The following TSC2 variants were observed in gnomAD, a reference collection of about 807,000 sequenced individuals.
TSC2 encodes tuberin.
A neutral mutation model predicts 202.2 loss-of-function variants in TSC2; 29 were observed. That is an observed-to-expected ratio of 0.14 (90% CI 0.11 to 0.20). The LOEUF (loss-of-function observed/expected upper bound fraction) is 0.20. Among genes scored for constraint, TSC2 ranks in the 10% least tolerant of loss-of-function variants. The pLI is 1.00. For missense variants in TSC2, 2,429 were observed against 2,420.0 expected (o/e 1.00, Z -0.08); for synonymous variants, 1,349 against 1,044.0 (o/e 1.29, Z -5.63).
rs1352093437 is a variant in TSC2, at chr16:2,072,812, G to A, written c.2221-37G>A. On this transcript the variant is annotated intron_variant, in intron 20 of 41. Coordinates refer to ENST00000219476, the MANE Select transcript of TSC2 (RefSeq NM_000548.5). ...CCTCTGGCTACCCCGTGACCTGGCC[G>A]CTGGGGAGAGGTTTCATGCCTGGAT... 9.9e-6 allele frequency: 16 copies of A among 1,612,874 alleles called. 1 individual carries two copies. The highest frequency in any genetic ancestry group is 9.3e-5 in the African/African-American group (7 of 75,054).
intron 14 of TSC2, 186 bp downstream of exon 14, chr16:2,063,239 C>T (rs1329368325): frequency 4.1e-6 from 3 of 728,490 alleles, no homozygotes; most frequent in Non-Finnish European, 7.0e-6. Flanking sequence ...TCCTGGGTGC[C>T]TCTGCCAGGC....
At position 2,084,695 on chromosome 16, in the gene TSC2, A is replaced by G. The variant is rs1266546987; in HGVS notation, c.4473A>G (p.Lys1491=). Residue 1491 remains lysine (K), a synonymous_variant, in exon 34 of 42, where the codon AAA becomes AAG. Transcript: ENST00000219476. Reference sequence around the variant, plus strand: ...GAGCCACAGCCTCCAATGCAGAGAAAGTGCCAGGCATCAACCCCAGGTGGG... The same window carrying G: ...GAGCCACAGCCTCCAATGCAGAGAAGGTGCCAGGCATCAACCCCAGGTGGG... The part of the protein sequence containing the change: ...KSRATASNAE[K]VPGINPSFVF... 6.3e-7 allele frequency: 1 copy of G among 1,598,330 alleles called. No individual in the cohort carries two copies. The highest frequency in any genetic ancestry group is 8.5e-7 in the Non-Finnish European group (1 of 1,179,788).
In TSC2 at chr16:2,085,687, G is replaced by A. The variant is rs188456595; in HGVS notation, c.4662+365G>A. On this transcript the variant is annotated intron_variant, in intron 36 of 41. Transcript: ENST00000219476. Reference sequence around the variant, plus strand: ...ATCCCACACACCAGCAGCGGGGGCCGGGCGCACCCTGCCCAGCTTGAGCAC... The same window carrying A: ...ATCCCACACACCAGCAGCGGGGGCCAGGCGCACCCTGCCCAGCTTGAGCAC... Among the ~76,000 whole-genome samples the A allele has an allele frequency of 7.4e-4, 112 of 152,352 alleles. No individual in the cohort carries two copies. In the East Asian group the frequency reaches 0.01, roughly 14 times the overall value.
At chr16:2,056,101 C>T (rs898753910) in intron 6 of TSC2, 95 bp from the exon 7 acceptor site, 29 of 1,520,342 alleles carry the variant, frequency 1.9e-5, no homozygotes, top group African/African-American at 4.1e-5. Flanking sequence ...ATGAGCCATG[C>T]GTGTTATTGA....
chr16:2,088,206 A>AC, intron 40 of TSC2, 21 bp from the exon 41 acceptor site: 1 of 1,612,434 alleles, frequency 6.2e-7, no homozygotes, highest in Non-Finnish European at 8.5e-7. Context: ...TAGTGAGCTC[A>AC]CCCCCTGCCT....
chr16:2,054,761 C>T (rs1285560635), intron 5 of TSC2: 5 of 461,476 alleles, frequency 1.1e-5, no homozygotes, highest in South Asian at 4.1e-5. Flanking sequence ...TGGTCTCAAC[C>T]GGAGCGTACT....
intron 11 of TSC2, chr16:2,061,078 G>C: frequency 1.9e-6 from 1 of 513,016 alleles, no homozygotes; most frequent in African/African-American, 1.9e-5. Flanking sequence ...ACAGTCCGCA[G>C]AGTGACCTGC....
chr16:2,061,570 G>C (rs139949461), intron 11 of TSC2: 1 of 466,532 alleles, frequency 2.1e-6, no homozygotes, highest in East Asian at 4.1e-5. Context: ...AAGATTCCTT[G>C]GGGGGTGGGG....
At chr16:2,083,333 G>A (rs866526595) in intron 32 of TSC2, 63 of 455,538 alleles carry the variant, frequency 1.4e-4, no homozygotes, top group Middle Eastern at 1.3e-3. Flanking sequence ...AGCTCTCCTC[G>A]GTTACGAGGG....
intron 4 of TSC2, 119 bp downstream of exon 4, chr16:2,053,571 C>A: frequency 9.8e-7 from 1 of 1,016,266 alleles, no homozygotes; most frequent in Non-Finnish European, 1.5e-6. Flanking sequence ...GGTCTAGGGG[C>A]TGATGGGCTC....
chr16:2,084,748 C>T (rs778478008), intron 34 of TSC2, 33 bp downstream of exon 34: 2 of 1,598,424 alleles, frequency 1.3e-6, no homozygotes, highest in East Asian at 2.2e-5. Context: ...GGGCTCCTGA[C>T]ACCTCTCCTG....
rs751867982 is a variant in TSC2, at chr16:2,057,282, C to T, written c.848+104C>T. 13 of 1,379,344 alleles carry T rather than the reference C, an allele frequency of 9.4e-6. No homozygotes were observed. In the East Asian group the frequency reaches 1.5e-4, roughly 16 times the overall value. 85.4% of individuals were successfully genotyped at this position (1,379,344 alleles called of 1,614,324 possible). On this transcript the variant is annotated intron_variant, in intron 9 of 41. Coordinates refer to ENST00000219476, the MANE Select transcript of TSC2 (RefSeq NM_000548.5). ...CACACTGGCTTAGAGAGTCCTTGTCCTCTCGGGCAGCTGTTCCAGAGGCTG... is the reference window on the plus strand; with the variant it reads ...CACACTGGCTTAGAGAGTCCTTGTCTTCTCGGGCAGCTGTTCCAGAGGCTG...
Position 2,082,327 on chromosome 16 carries a change from C to T in TSC2, c.3815-109C>T, listed in dbSNP as rs1479916987. The T allele has an allele frequency of 1.4e-5, 19 of 1,344,460 alleles. 1 individual carries two copies. Among genetic ancestry groups the T allele is most frequent in the South Asian group, 5.9e-5 (5 of 85,452 alleles). The allele number at this position is 1,344,460 out of a possible 1,614,324, so 83.3% of individuals were successfully genotyped here. ...GGGCCCCGTGCGCGCCCCTGCCGGC[C>T]GCTGGCCCTGCCCTCTCTCCTCTGC... On this transcript the variant is annotated intron_variant, in intron 31 of 41. Transcript: ENST00000219476.
At chr16:2,066,651 CTTTTTTT>C (rs34619573) in intron 16 of TSC2, among the ~76,000 whole-genome samples, 10 of 98,484 alleles carry the variant, frequency 1.0e-4, no homozygotes, top group East Asian at 9.0e-4. Flanking sequence ...TCTGATTTAT[CTTTTTTT>C]TTTTTTTTTT....
intron 11 of TSC2, 40 bp downstream of exon 11, chr16:2,060,853 C>G: frequency 6.2e-7 from 1 of 1,609,464 alleles, no homozygotes; most frequent in East Asian, 2.2e-5. Flanking sequence ...ACCGGGAACC[C>G]AGACAGGCAG....
Position 2,056,214 on chromosome 16 carries a change from C to T in TSC2, c.618C>T (p.Cys206=), listed in dbSNP as rs45498496. 2.0e-5 allele frequency: 32 copies of T among 1,613,898 alleles called. No individual in the cohort carries two copies. The highest frequency in any genetic ancestry group is 1.2e-4 in the South Asian group (11 of 91,094). The change falls in exon 7 of 42, where the codon TGC becomes TGT. Residue 206 remains cysteine (C), a synonymous_variant. Coordinates refer to ENST00000219476, the MANE Select transcript of TSC2 (RefSeq NM_000548.5). ...ARMVQMICLL[C]VRTASSVDIE... Reference sequence around the variant, plus strand: ...CCTGCAGGATGATCTGTCTGCTGTGCGTCCGGACCGCGTCCTCTGTGGACA... The same window carrying T: ...CCTGCAGGATGATCTGTCTGCTGTGTGTCCGGACCGCGTCCTCTGTGGACA...
Position 2,060,225 on chromosome 16 carries a change from G to A in TSC2, c.976-445G>A, listed in dbSNP as rs573546966. Reference sequence around the variant, plus strand: ...TGCTCACAGCTCCCTGGAGGGTGGGGCGATCACGTCGTCCTGGTTTTATAG... The same window carrying A: ...TGCTCACAGCTCCCTGGAGGGTGGGACGATCACGTCGTCCTGGTTTTATAG... On this transcript the variant is annotated intron_variant, in intron 10 of 41. Transcript: ENST00000219476. Among the ~76,000 whole-genome samples the A allele has an allele frequency of 3.2e-3, 483 of 152,352 alleles. 2 individuals carry two copies. Among genetic ancestry groups the A allele is most frequent in the Middle Eastern group, 0.01 (3 of 294 alleles).
chr16:2,081,965 G>A, intron 31 of TSC2, 167 bp downstream of exon 31: 1 of 996,102 alleles, frequency 1.0e-6, no homozygotes, highest in South Asian at 1.4e-5. Flanking sequence ...GCTGACCCGT[G>A]GGAGGTGTCT....
At chr16:2,084,034 C>G (rs753520414) in intron 33 of TSC2, among the ~76,000 whole-genome samples, 194 bp from the exon 34 acceptor site, 1 of 152,246 alleles carries the variant, frequency 6.6e-6, no homozygotes, top group East Asian at 1.9e-4. Flanking sequence ...ATGCTGATAC[C>G]TCTGCTCACG....
Sources: allele counts gnomAD v4.1 joint callset (sites outside exome capture counted in the v4.1 genomes callset), GRCh38; gene constraint gnomAD v4.1.1; transcripts MANE v1.5; gene names NCBI Gene and HGNC (gene_info 2026-07-23, HGNC 2026-07-21).